The following ANKMY1 variants were observed in gnomAD, a reference collection of about 807,000 sequenced individuals.
The protein encoded by ANKMY1 is ankyrin repeat and MYND domain containing 1.
In ANKMY1, 98 loss-of-function variants were observed where a neutral mutation model predicts 102.0. The observed-to-expected ratio is 0.96, with a 90% CI of 0.82 to 1.14. The LOEUF (loss-of-function observed/expected upper bound fraction) is 1.14, where lower values mean the gene tolerates loss of function less well. ANKMY1 is among the 50% of genes most tolerant of loss of function. The pLI, the probability that ANKMY1 is intolerant of heterozygous loss-of-function variation, is 0.00. For synonymous variants in ANKMY1, 582 were observed against 559.9 expected, an observed-to-expected ratio of 1.04 and a Z score of -0.56; for missense variants, 1,330 against 1,347.6, an observed-to-expected ratio of 0.99 and a Z score of 0.20.
chr2:240,536,081 T>G lies in ANKMY1; in HGVS notation c.481-6572A>C, dbSNP rs928932481. On this transcript the variant is annotated intron_variant, in intron 4 of 17. Coordinates refer to ENST00000401804, the MANE Select transcript of ANKMY1 (RefSeq NM_001282771.3). ...AAAAAACTATCTAGAGCCTGAACAC[T>G]AAGCAATACTCCTATAAGATAAACC... is the stretch of plus-strand genomic sequence containing the variant. Among the ~76,000 whole-genome samples the G allele has an allele frequency of 5.9e-5, 9 of 152,222 alleles. 1 individual carries two copies. In the South Asian group the frequency reaches 1.2e-3, roughly 21 times the overall value.
upstream of ANKMY1, chr2:240,560,609 A>G (rs923001969): frequency 6.3e-5 from 85 of 1,353,784 alleles, no homozygotes; most frequent in Non-Finnish European, 7.1e-5. Context: ...GGCTCCCACA[A>G]ATAGACTCCT....
At chr2:240,560,671 CTT>C (rs1448912494), upstream of ANKMY1, 1 of 1,507,186 alleles carries the variant, frequency 6.6e-7, no homozygotes, top group African/African-American at 1.4e-5. Context: ...AAAGCAGACT[CTT>C]CGGCGGGCGC....
intron 4 of ANKMY1, among the ~76,000 whole-genome samples, chr2:240,531,293 TG>T (rs1203583678): frequency 6.6e-6 from 1 of 152,210 alleles, no homozygotes; most frequent in Non-Finnish European, 1.5e-5. Flanking sequence ...GATGACTAAA[TG>T]CAAAACGGCA....
intron 9 of ANKMY1, among the ~76,000 whole-genome samples, chr2:240,517,610 G>T (rs548233475): frequency 2.0e-5 from 3 of 152,242 alleles, no homozygotes; most frequent in African/African-American, 7.2e-5. Context: ...AGGAGTTTGA[G>T]ACCAACCTGG....
chr2:240,528,616 A>G (rs2152418601), intron 5 of ANKMY1, among the ~76,000 whole-genome samples: 1 of 152,180 alleles, frequency 6.6e-6, no homozygotes, highest in Non-Finnish European at 1.5e-5. Context: ...GGCCTGCACA[A>G]GGGGAAACGC....
chr2:240,472,298 A>ATCCACGG, the ANKMY1 span, among the ~76,000 whole-genome samples: 3 of 131,704 alleles, frequency 2.3e-5, no homozygotes, highest in African/African-American at 9.6e-5. Flanking sequence ...CCAATCTACA[A>ATCCACGG]CTGCACAGGC....
intron 4 of ANKMY1, among the ~76,000 whole-genome samples, chr2:240,547,292 T>C (rs1183877230): frequency 1.3e-5 from 2 of 152,040 alleles, no homozygotes; most frequent in East Asian, 3.9e-4. Flanking sequence ...AAGGCAGAAA[T>C]AAAGATATTC....
At chr2:240,481,855 C>T (rs1393148441) in intron 16 of ANKMY1, among the ~76,000 whole-genome samples, 8 of 152,156 alleles carry the variant, frequency 5.3e-5, no homozygotes, top group African/African-American at 1.9e-4. Flanking sequence ...GGGCTCAAAC[C>T]CCACTCAGCG....
chr2:240,544,837 G>C (rs545298256), intron 4 of ANKMY1, among the ~76,000 whole-genome samples: 1 of 152,166 alleles, frequency 6.6e-6, no homozygotes, highest in Non-Finnish European at 1.5e-5. Context: ...ATTACATCCC[G>C]CACCTGGCTC....
At chr2:240,519,936 C>T (rs749446406) in intron 9 of ANKMY1, 2 of 278,600 alleles carry the variant, frequency 7.2e-6, no homozygotes, top group Admixed American at 4.6e-5. Context: ...AAATATTTTG[C>T]GGCTGGATCT....
chr2:240,513,431 G>A (rs1197228494), intron 9 of ANKMY1, among the ~76,000 whole-genome samples: 1 of 152,250 alleles, frequency 6.6e-6, no homozygotes, highest in Admixed American at 6.5e-5. Flanking sequence ...CAGGGGCCCT[G>A]GCCTCTGGAG....
chr2:240,526,841 T>C (rs1375692148), intron 5 of ANKMY1: 2 of 1,174,986 alleles, frequency 1.7e-6, no homozygotes, highest in African/African-American at 3.2e-5. Context: ...CATTCCACCC[T>C]CTGCTCATCC....
chr2:240,515,364 G>A (rs1248457142), intron 9 of ANKMY1, among the ~76,000 whole-genome samples: 2 of 151,936 alleles, frequency 1.3e-5, no homozygotes, highest in South Asian at 2.1e-4. Context: ...GTGAAACCTC[G>A]CCTCTACTAA....
chr2:240,504,498 T>C (rs1227265192), intron 13 of ANKMY1, among the ~76,000 whole-genome samples: 1 of 152,170 alleles, frequency 6.6e-6, no homozygotes, highest in African/African-American at 2.4e-5. Context: ...AAAACTTTTG[T>C]ATATCAAAAT....
At chr2:240,504,146 T>C (rs1204543710) in intron 13 of ANKMY1, among the ~76,000 whole-genome samples, 1 of 152,208 alleles carries the variant, frequency 6.6e-6, no homozygotes, top group Non-Finnish European at 1.5e-5. Context: ...TGCCACAGCC[T>C]GAACAGCAAG....
intron 17 of ANKMY1, among the ~76,000 whole-genome samples, 197 bp from the exon 18 acceptor site, chr2:240,479,852 C>T (rs943963618): frequency 2.0e-5 from 3 of 152,134 alleles, no homozygotes; most frequent in African/African-American, 7.2e-5. Flanking sequence ...CCTGCCACAC[C>T]CACCAAGTCC....
At position 240,512,853 on chromosome 2, in the gene ANKMY1, G is replaced by A. The variant is rs201754245; in HGVS notation, c.2094C>T (p.Thr698=). Residue 698 remains threonine (T), a synonymous_variant, in exon 10 of 18, where the codon ACC becomes ACT. Transcript: ENST00000401804. ...QIVELLLHAI[T]DVDAKASDED... ...CGTCGGATGCCTTGGCGTCCACATCGGTGATGGCATGCAACAGCAGCTCCA... is the reference window on the plus strand; with the variant it reads ...CGTCGGATGCCTTGGCGTCCACATCAGTGATGGCATGCAACAGCAGCTCCA... The A allele has an allele frequency of 1.0e-4, 164 of 1,614,066 alleles. No homozygotes were observed. The highest frequency in any genetic ancestry group is 1.8e-4 in the East Asian group (8 of 44,880).
downstream of ANKMY1, among the ~76,000 whole-genome samples, chr2:240,476,299 G>C (rs1447240356): frequency 6.6e-6 from 1 of 152,094 alleles, no homozygotes; most frequent in Non-Finnish European, 1.5e-5. Flanking sequence ...ATGCAGAAGA[G>C]AGAAATTGGA....
At chr2:240,511,633 T>G (rs1397573008) in intron 11 of ANKMY1, among the ~76,000 whole-genome samples, 1 of 152,182 alleles carries the variant, frequency 6.6e-6, no homozygotes, top group Non-Finnish European at 1.5e-5. Context: ...TGGTAAGAAG[T>G]AGACTTCATG....
Sources: allele counts gnomAD v4.1 joint callset (sites outside exome capture counted in the v4.1 genomes callset), GRCh38; gene constraint gnomAD v4.1.1; transcripts MANE v1.5; gene names NCBI Gene and HGNC (gene_info 2026-07-23, HGNC 2026-07-21).